GRID2: variants seen among roughly 807,000 people sequenced by gnomAD.
The protein encoded by GRID2 is glutamate receptor ionotropic, delta-2.
Under a neutral mutation model 114.8 loss-of-function variants are expected in GRID2, and 33 were observed. That is an observed-to-expected ratio of 0.29 (90% CI 0.22 to 0.38). GRID2 has a LOEUF of 0.38. GRID2 is among the 10% of genes least tolerant of loss of function. The probability of loss-of-function intolerance (pLI) is 1.00; values close to 1 mark genes in which losing one functional copy is unlikely to be tolerated. For missense variants in GRID2, 1,184 were observed against 1,257.7 expected (o/e 0.94, Z 0.89); for synonymous variants, 505 against 449.9 (o/e 1.12, Z -1.55).
intron 11 of GRID2, among the ~76,000 whole-genome samples, chr4:93,461,195 A>T (rs1162170411): frequency 6.6e-6 from 1 of 152,156 alleles, no homozygotes; most frequent in Non-Finnish European, 1.5e-5. Flanking sequence ...AATGACAGAT[A>T]ATGCTGAATC....
chr4:93,733,862 C>G (rs997627886), intron 14 of GRID2, among the ~76,000 whole-genome samples: 1 of 152,016 alleles, frequency 6.6e-6, no homozygotes, highest in African/African-American at 2.4e-5. Flanking sequence ...TAGGACAGAC[C>G]TAAGAGTAGG....
chr4:93,200,440 C>A (rs1285007427), intron 4 of GRID2, among the ~76,000 whole-genome samples: 1 of 152,020 alleles, frequency 6.6e-6, no homozygotes, highest in South Asian at 2.1e-4. Context: ...GTAGCGGGCG[C>A]CTGTAGTCCC....
chr4:93,513,775 A>T (rs916819278), intron 12 of GRID2, among the ~76,000 whole-genome samples: 10 of 152,214 alleles, frequency 6.6e-5, no homozygotes, highest in African/African-American at 1.2e-4. Context: ...TTACTATTAG[A>T]AATTGGCACA....
intron 11 of GRID2, among the ~76,000 whole-genome samples, chr4:93,469,661 C>G (rs1724619175): frequency 6.6e-6 from 1 of 152,046 alleles, no homozygotes; most frequent in Non-Finnish European, 1.5e-5. Context: ...CCACAAAAGG[C>G]CATCTGGAGT....
At chr4:92,306,341 G>T (rs74568050) in intron 1 of GRID2, among the ~76,000 whole-genome samples, 3,939 of 152,242 alleles carry the variant, frequency 0.026, 170 homozygotes, top group African/African-American at 0.091. Flanking sequence ...TTTTGCCTGG[G>T]GGCTAACAGT....
At chr4:92,984,521 T>C (rs1332896488) in intron 2 of GRID2, among the ~76,000 whole-genome samples, 1 of 152,248 alleles carries the variant, frequency 6.6e-6, no homozygotes, top group Admixed American at 6.5e-5. Context: ...GTACAGCTAA[T>C]ACTCATTTGG....
intron 1 of GRID2, among the ~76,000 whole-genome samples, chr4:92,332,608 A>G (rs1418032916): frequency 6.6e-6 from 1 of 152,240 alleles, no homozygotes; most frequent in Non-Finnish European, 1.5e-5. Flanking sequence ...TTTCATCTAA[A>G]TCAAATATGA....
intron 2 of GRID2, among the ~76,000 whole-genome samples, chr4:93,034,295 C>G (rs1724711074): frequency 6.6e-6 from 1 of 152,214 alleles, no homozygotes; most frequent in East Asian, 1.9e-4. Context: ...ATAATGTGGG[C>G]AAGGCAGACA....
chr4:93,711,296 T>A (rs1284249321), intron 14 of GRID2, among the ~76,000 whole-genome samples: 1 of 152,124 alleles, frequency 6.6e-6, no homozygotes, highest in Non-Finnish European at 1.5e-5. Flanking sequence ...AAGTGATGAA[T>A]CCTTCCAGGA....
At chr4:92,844,718 AAAG>A (rs1394305347) in intron 2 of GRID2, among the ~76,000 whole-genome samples, 4 of 151,400 alleles carry the variant, frequency 2.6e-5, no homozygotes, top group Admixed American at 6.6e-5. Context: ...AAAAAAAAAA[AAAG>A]AAAGAAAAAA....
intron 1 of GRID2, among the ~76,000 whole-genome samples, chr4:92,439,242 G>A (rs1309632638): frequency 6.6e-6 from 1 of 152,022 alleles, no homozygotes; most frequent in Non-Finnish European, 1.5e-5. Context: ...CTTAAGGCAA[G>A]GACCGGCCAT....
intron 2 of GRID2, among the ~76,000 whole-genome samples, chr4:92,861,731 C>T (rs887213721): frequency 6.6e-6 from 1 of 151,908 alleles, no homozygotes; most frequent in African/African-American, 2.4e-5. Flanking sequence ...GAAATGAAAG[C>T]AAATTCTTAT....
intron 8 of GRID2, among the ~76,000 whole-genome samples, chr4:93,290,274 A>G (rs1180800426): frequency 6.6e-6 from 1 of 152,152 alleles, no homozygotes; most frequent in Non-Finnish European, 1.5e-5. Context: ...ATTGCTTATG[A>G]GTGCGTGTTT....
chr4:93,785,215 C>T (rs1223994120), intron 1 of GRID2, among the ~76,000 whole-genome samples: 1 of 152,096 alleles, frequency 6.6e-6, no homozygotes, highest in Admixed American at 6.5e-5. Context: ...AGTTTCGTAC[C>T]TTTTACAATT....
intron 8 of GRID2, among the ~76,000 whole-genome samples, chr4:93,280,077 G>A (rs1752495941): frequency 6.6e-6 from 1 of 151,880 alleles, no homozygotes; most frequent in African/African-American, 2.4e-5. Flanking sequence ...TGAGTGCTAG[G>A]TTTAAGACTA....
chr4:92,996,516 G>C (rs1331229502), intron 2 of GRID2, among the ~76,000 whole-genome samples: 1 of 152,098 alleles, frequency 6.6e-6, no homozygotes, highest in Non-Finnish European at 1.5e-5. Context: ...TGGGGAAACA[G>C]GTCAACCTTA....
intron 1 of GRID2, among the ~76,000 whole-genome samples, chr4:92,566,385 A>G (rs565995789): frequency 1.3e-5 from 2 of 152,084 alleles, no homozygotes; most frequent in Admixed American, 6.6e-5. Context: ...GTTTGCCAAC[A>G]ACGAAAAAGG....
chr4:93,296,023 G>A (rs1754270763), intron 8 of GRID2, among the ~76,000 whole-genome samples: 1 of 150,972 alleles, frequency 6.6e-6, no homozygotes, highest in Non-Finnish European at 1.5e-5. Context: ...AAAATAGGTA[G>A]CTTGAAATAG....
At chr4:92,861,463 C>G (rs879084200) in intron 2 of GRID2, among the ~76,000 whole-genome samples, 1 of 152,124 alleles carries the variant, frequency 6.6e-6, no homozygotes, top group Admixed American at 6.6e-5. Flanking sequence ...TCATCTTTTT[C>G]TCATGCTGTT....
Sources: allele counts gnomAD v4.1 joint callset (sites outside exome capture counted in the v4.1 genomes callset), GRCh38; gene constraint gnomAD v4.1.1; transcripts MANE v1.5; gene names NCBI Gene and HGNC (gene_info 2026-07-23, HGNC 2026-07-21).